PTPRD: variants seen among roughly 807,000 people sequenced by gnomAD.
The protein encoded by PTPRD is protein tyrosine phosphatase receptor type D, also known as receptor-type tyrosine-protein phosphatase delta.
A neutral mutation model predicts 214.5 loss-of-function variants in PTPRD; 34 were observed. The ratio of observed to expected loss-of-function variants is 0.16; its 90% CI spans 0.12 to 0.21. The LOEUF is 0.21. PTPRD is among the 10% of genes least tolerant of loss of function. PTPRD has a pLI of 1.00. For missense variants in PTPRD, 2,545 were observed against 2,398.7 expected (o/e 1.06, Z -1.27); for synonymous variants, 1,128 against 845.7 (o/e 1.33, Z -5.79).
chr9:9,515,795 C>T (rs1336139886), intron 8 of PTPRD, among the ~76,000 whole-genome samples: 3 of 151,830 alleles, frequency 2.0e-5, no homozygotes, highest in Non-Finnish European at 4.4e-5. Flanking sequence ...ATAAAGGTGA[C>T]TTTTTTCCTT....
At chr9:9,644,106 A>C (rs1366065463) in intron 7 of PTPRD, among the ~76,000 whole-genome samples, 4 of 152,232 alleles carry the variant, frequency 2.6e-5, no homozygotes, top group Non-Finnish European at 2.9e-5. Context: ...TTTATTCAAG[A>C]CAATCAAAAG....
intron 5 of PTPRD, among the ~76,000 whole-genome samples, chr9:9,926,090 A>G (rs1010231476): frequency 7.9e-5 from 12 of 151,996 alleles, no homozygotes; most frequent in African/African-American, 2.9e-4. Flanking sequence ...TCATCCTCCT[A>G]AAGTGCTGGG....
chr9:8,347,961 G>A (rs532385312), intron 39 of PTPRD, among the ~76,000 whole-genome samples: 1 of 152,196 alleles, frequency 6.6e-6, no homozygotes, highest in Non-Finnish European at 1.5e-5. Context: ...TGTTATGGAA[G>A]CCCCAGCAGA....
At chr9:8,521,695 A>C in intron 19 of PTPRD, 149 bp from the exon 20 acceptor site, 1 of 818,724 alleles carries the variant, frequency 1.2e-6, no homozygotes, top group East Asian at 2.7e-5. Context: ...ACTGTGGATA[A>C]TACAGACCAT....
chr9:10,598,950 C>T (rs974796274), intron 2 of PTPRD, among the ~76,000 whole-genome samples: 32 of 151,572 alleles, frequency 2.1e-4, no homozygotes, highest in African/African-American at 7.0e-4. Flanking sequence ...TTTTCTGTTC[C>T]TCTTACTAAT....
chr9:9,513,363 C>A (rs1018020511), intron 8 of PTPRD, among the ~76,000 whole-genome samples: 1 of 151,812 alleles, frequency 6.6e-6, no homozygotes. Flanking sequence ...GATTACTTTC[C>A]TATGTGTTAT....
At chr9:9,963,423 CTTTA>C (rs1249515132) in intron 4 of PTPRD, among the ~76,000 whole-genome samples, 2 of 135,656 alleles carry the variant, frequency 1.5e-5, no homozygotes, top group Non-Finnish European at 3.0e-5. Context: ...TCCTTTATAA[CTTTA>C]TAATTAACCT....
chr9:8,769,481 A>C (rs912132865), intron 11 of PTPRD, among the ~76,000 whole-genome samples: 11 of 152,212 alleles, frequency 7.2e-5, no homozygotes, highest in Admixed American at 7.2e-4. Flanking sequence ...TGGCCGAGGC[A>C]GTAGACAACA....
chr9:10,496,779 C>A (rs1340930960), intron 2 of PTPRD, among the ~76,000 whole-genome samples: 1 of 152,032 alleles, frequency 6.6e-6, no homozygotes, highest in Non-Finnish European at 1.5e-5. Context: ...TGTTCAGGTA[C>A]TTTGCCCACA....
At chr9:8,911,369 T>C (rs7849636) in intron 11 of PTPRD, among the ~76,000 whole-genome samples, 6,297 of 151,522 alleles carry the variant, frequency 0.042, 423 homozygotes, top group African/African-American at 0.14. Context: ...AATAAATGGG[T>C]TGGGAGAACT....
At position 9,901,528 on chromosome 9, in the gene PTPRD, T is replaced by C. The variant is rs989200794; in HGVS notation, c.-368+36979A>G. Among the ~76,000 whole-genome samples, 3 of 152,102 alleles carry C rather than the reference T, an allele frequency of 2.0e-5. 1 individual carries two copies. In the South Asian group the frequency reaches 6.2e-4, roughly 32 times the overall value. On this transcript the variant is annotated intron_variant, in intron 5 of 45. Coordinates refer to ENST00000381196, the MANE Select transcript of PTPRD (RefSeq NM_002839.4). Reference sequence around the variant, plus strand: ...TAAATATCTAAGAATTAACAGTTGCTGGGGAAATATATAACCAAAGTTTAA... The same window carrying C: ...TAAATATCTAAGAATTAACAGTTGCCGGGGAAATATATAACCAAAGTTTAA...
chr9:10,488,359 T>C (rs2099146751), intron 2 of PTPRD, among the ~76,000 whole-genome samples: 1 of 128,542 alleles, frequency 7.8e-6, no homozygotes, highest in Non-Finnish European at 1.6e-5. Context: ...AGAGTGAGAC[T>C]CTGTCTCAAA....
intron 11 of PTPRD, among the ~76,000 whole-genome samples, chr9:8,969,939 G>C (rs141442596): frequency 6.6e-6 from 1 of 152,036 alleles, no homozygotes; most frequent in African/African-American, 2.4e-5. Context: ...CATCATAGAT[G>C]AAAGCATGGT....
intron 35 of PTPRD, among the ~76,000 whole-genome samples, chr9:8,419,453 G>A (rs557856490): frequency 6.6e-5 from 10 of 151,280 alleles, no homozygotes; most frequent in East Asian, 5.8e-4. Flanking sequence ...ACAATATAGC[G>A]AACAAAAAAC....
At chr9:10,293,225 A>T (rs2095578857) in intron 3 of PTPRD, among the ~76,000 whole-genome samples, 1 of 151,912 alleles carries the variant, frequency 6.6e-6, no homozygotes, top group Non-Finnish European at 1.5e-5. Context: ...AGTTCAAGAA[A>T]AAATATTGGG....
intron 11 of PTPRD, among the ~76,000 whole-genome samples, chr9:8,981,696 C>A (rs1166731460): frequency 6.6e-6 from 1 of 151,926 alleles, no homozygotes; most frequent in Non-Finnish European, 1.5e-5. Context: ...ACTTCAATTT[C>A]TTTTTCTCCT....
chr9:8,380,978 T>C (rs2084885587), intron 37 of PTPRD, among the ~76,000 whole-genome samples: 1 of 152,294 alleles, frequency 6.6e-6, no homozygotes, highest in African/African-American at 2.4e-5. Flanking sequence ...GAATTCCAAC[T>C]GTAACAAACT....
chr9:9,712,157 A>G (rs1004512812), intron 7 of PTPRD, among the ~76,000 whole-genome samples: 2 of 152,214 alleles, frequency 1.3e-5, no homozygotes, highest in Admixed American at 6.5e-5. Flanking sequence ...CAATAAGAGT[A>G]TCCATTAAAT....
intron 5 of PTPRD, among the ~76,000 whole-genome samples, chr9:9,773,208 CT>C (rs1260971599): frequency 6.6e-5 from 10 of 152,232 alleles, no homozygotes; most frequent in African/African-American, 2.4e-4. Flanking sequence ...CCTCCTTTCC[CT>C]CCTCATCCCC....
Sources: gnomAD v4.1 joint callset for allele counts (sites outside exome capture counted in the v4.1 genomes callset) on GRCh38, gnomAD v4.1.1 for gene constraint, MANE v1.5 for transcripts, NCBI Gene and HGNC (gene_info 2026-07-23, HGNC 2026-07-21) for gene names.